PARVB: variants seen among roughly 807,000 people sequenced by gnomAD.
PARVB encodes parvin beta.
PARVB carries 46 observed loss-of-function variants against 47.0 expected under a neutral mutation model. That is an observed-to-expected ratio of 0.98 (90% CI 0.77 to 1.25). The LOEUF (loss-of-function observed/expected upper bound fraction) is 1.25, where lower values mean the gene tolerates loss of function less well. Ranked by LOEUF, PARVB falls within the 50% of genes most tolerant of loss-of-function variation. The pLI is 0.00. For synonymous variants in PARVB, 196 were observed against 196.3 expected, an observed-to-expected ratio of 1.00 and a Z score of 0.01; for missense variants, 473 against 471.6, an observed-to-expected ratio of 1.00 and a Z score of -0.03.
rs1276888869 is a variant in PARVB at position 44,049,036 on chromosome 22, C to T, written c.112+24585C>T. On this transcript the variant is annotated intron_variant, in intron 1 of 12. Coordinates refer to ENST00000338758, the MANE Select transcript of PARVB (RefSeq NM_013327.5). This position sits in a 1 kb window ranked among gnomAD's most constrained non-coding sequence, Gnocchi z 4.0. ...GGAGGGAACAGAAGTGTGGAGTCCT[C>T]CCAGCCACATGGCCTCGGATCCGGG... is the stretch of plus-strand genomic sequence containing the variant. 6.6e-6 allele frequency among the ~76,000 whole-genome samples: 1 copy of T among 152,226 alleles called. No homozygotes were observed. The highest frequency in any genetic ancestry group is 1.5e-5 in the Non-Finnish European group (1 of 68,042).
At chr22:44,005,217 A>G (rs2050451751) in intron 2 of PARVB, among the ~76,000 whole-genome samples, 2 of 151,024 alleles carry the variant, frequency 1.3e-5, no homozygotes, top group Admixed American at 6.6e-5. Flanking sequence ...ATCCTGCTTC[A>G]GCCTCCCAAG....
At chr22:44,061,963 G>A (rs2051428451) in intron 1 of PARVB, among the ~76,000 whole-genome samples, 2 of 152,184 alleles carry the variant, frequency 1.3e-5, no homozygotes, top group Admixed American at 1.3e-4. Flanking sequence ...TGTAGGCCAA[G>A]AGTATTGATT....
chr22:44,009,808 C>CTT (rs546290064), intron 2 of PARVB, among the ~76,000 whole-genome samples: 4 of 132,894 alleles, frequency 3.0e-5, no homozygotes, highest in African/African-American at 5.7e-5. Context: ...GCATATGAAT[C>CTT]TTTTTTTTTT....
intron 12 of PARVB, among the ~76,000 whole-genome samples, chr22:44,166,735 G>A (rs1159615341): frequency 6.6e-6 from 1 of 152,264 alleles, no homozygotes; most frequent in African/African-American, 2.4e-5. Context: ...ACTGGGCAGG[G>A]GCCAAGCCGC....
At chr22:44,111,751 C>T (rs2052704353) in intron 3 of PARVB, 1 of 151,822 alleles carries the variant, frequency 6.6e-6, no homozygotes, top group Non-Finnish European at 1.5e-5. Flanking sequence ...CCAGGCAAAC[C>T]CATTTTAAAG....
At chr22:44,004,808 C>A (rs2050447752) in intron 2 of PARVB, among the ~76,000 whole-genome samples, 1 of 152,212 alleles carries the variant, frequency 6.6e-6, no homozygotes, top group South Asian at 2.1e-4. Flanking sequence ...TGTCCTGCAA[C>A]ACAACGTCCG....
At chr22:44,121,991 A>T (rs2053057760) in intron 4 of PARVB, among the ~76,000 whole-genome samples, 1 of 152,250 alleles carries the variant, frequency 6.6e-6, no homozygotes, top group Non-Finnish European at 1.5e-5. Flanking sequence ...CTAAGAGTAT[A>T]TAGTCAGAAT....
At chr22:44,117,589 A>G (rs1013269165) in intron 3 of PARVB, among the ~76,000 whole-genome samples, 8 of 152,222 alleles carry the variant, frequency 5.3e-5, no homozygotes, top group Non-Finnish European at 1.2e-4. Flanking sequence ...CTCTCCCTGC[A>G]AACTGCCCTT....
upstream of PARVB, chr22:44,024,283 G>T (rs2050691042): frequency 2.6e-6 from 2 of 771,390 alleles, no homozygotes; most frequent in South Asian, 6.0e-5. Flanking sequence ...GCCTCTCCCC[G>T]GGGCGACCGG....
intron 10 of PARVB, chr22:44,152,419 CT>C: frequency 6.6e-6 from 1 of 152,274 alleles, no homozygotes; most frequent in Non-Finnish European, 1.5e-5. Context: ...ACCACTGTAT[CT>C]TTTTTTGGGA....
chr22:44,055,706 A>G (rs1265037380), intron 1 of PARVB, among the ~76,000 whole-genome samples: 1 of 151,292 alleles, frequency 6.6e-6, no homozygotes, highest in Non-Finnish European at 1.5e-5. Flanking sequence ...GAAGAGATTG[A>G]TTATAAGTTA....
intron 2 of PARVB, among the ~76,000 whole-genome samples, chr22:44,017,388 C>T (rs1013792162): frequency 2.6e-5 from 4 of 152,120 alleles, no homozygotes; most frequent in South Asian, 2.1e-4. Context: ...TTCTTAGTAG[C>T]GAGTACCACG....
chr22:44,026,463 A>G, intron 1 of PARVB: 1 of 477,762 alleles, frequency 2.1e-6, no homozygotes, highest in Non-Finnish European at 2.7e-6. Context: ...TAGGCACAGG[A>G]ATTGAGGGAC....
intron 1 of PARVB, among the ~76,000 whole-genome samples, chr22:44,061,596 A>G (rs980358073): frequency 1.3e-5 from 2 of 152,026 alleles, no homozygotes; most frequent in Admixed American, 6.6e-5. Context: ...GTTTGACCTC[A>G]GGTGGGGACA....
intron 1 of PARVB, among the ~76,000 whole-genome samples, chr22:44,085,902 C>G (rs536407835): frequency 6.6e-6 from 1 of 152,310 alleles, no homozygotes; most frequent in African/African-American, 2.4e-5. Flanking sequence ...GCAGTGAGCT[C>G]TTGATGTGGA....
intron 3 of PARVB, among the ~76,000 whole-genome samples, chr22:44,102,227 TG>T (rs1240704343): frequency 2.6e-5 from 4 of 152,110 alleles, no homozygotes; most frequent in Admixed American, 2.6e-4. Context: ...TCCACCTTTT[TG>T]TTCTATGGGA....
intron 1 of PARVB, chr22:44,026,372 TG>T (rs1569059160): frequency 3.0e-6 from 3 of 985,336 alleles, no homozygotes; most frequent in Non-Finnish European, 3.6e-6. Flanking sequence ...CTGCTTTCGC[TG>T]GGGGTGAGCT....
intron 2 of PARVB, among the ~76,000 whole-genome samples, chr22:44,002,452 C>G (rs547827384): frequency 6.6e-6 from 1 of 152,156 alleles, no homozygotes; most frequent in Non-Finnish European, 1.5e-5. Context: ...CTATCAGTAT[C>G]GAGAGAAACA....
At chr22:44,080,777 T>C (rs2051882471) in intron 1 of PARVB, among the ~76,000 whole-genome samples, 1 of 152,160 alleles carries the variant, frequency 6.6e-6, no homozygotes, top group Admixed American at 6.6e-5. Flanking sequence ...GAAACCCTGA[T>C]TCATTCATTC....
Sources: allele counts gnomAD v4.1 joint callset (sites outside exome capture counted in the v4.1 genomes callset), GRCh38; gene constraint gnomAD v4.1.1; non-coding constraint Gnocchi (gnomAD v3.1); transcripts MANE v1.5; gene names NCBI Gene and HGNC (gene_info 2026-07-23, HGNC 2026-07-21).